The following DRC1 variants were observed in gnomAD, a reference collection of about 807,000 sequenced individuals.
DRC1 encodes dynein regulatory complex subunit 1.
Under a neutral mutation model 98.7 loss-of-function variants are expected in DRC1, and 74 were observed. That is an observed-to-expected ratio of 0.75 (90% CI 0.62 to 0.91). The LOEUF (loss-of-function observed/expected upper bound fraction) is 0.91. Among genes scored for constraint, DRC1 ranks in the 40% least tolerant of loss-of-function variants. DRC1 has a pLI of 0.00. For missense variants in DRC1, 875 were observed against 886.0 expected (o/e 0.99, Z 0.16); for synonymous variants, 336 against 334.1 (o/e 1.01, Z -0.06).
intron 7 of DRC1, 70 bp from the exon 8 acceptor site, chr2:26,440,308 A>ATCTC: frequency 7.2e-7 from 1 of 1,381,742 alleles, no homozygotes. Context: ...GCAGGTGTAG[A>ATCTC]GTTAGTGTGT....
At chr2:26,447,892 AT>A (rs1478552472) in intron 10 of DRC1, among the ~76,000 whole-genome samples, 2 of 150,958 alleles carry the variant, frequency 1.3e-5, no homozygotes. Context: ...AATTAAGAAA[AT>A]TTTTGGCTCT....
At chr2:26,431,351 G>A (rs930075385) in intron 6 of DRC1, among the ~76,000 whole-genome samples, 2 of 152,212 alleles carry the variant, frequency 1.3e-5, no homozygotes, top group African/African-American at 2.4e-5. Flanking sequence ...GATGGGGATT[G>A]TCTCTTGGGT....
intron 3 of DRC1, among the ~76,000 whole-genome samples, 165 bp from the exon 4 acceptor site, chr2:26,424,106 T>C (rs1352380404): frequency 6.6e-6 from 1 of 152,192 alleles, no homozygotes; most frequent in Non-Finnish European, 1.5e-5. Context: ...AGTCAAGCGT[T>C]AAACGAAAAG....
At chr2:26,407,368 A>T (rs1678460985) in intron 1 of DRC1, among the ~76,000 whole-genome samples, 1 of 151,826 alleles carries the variant, frequency 6.6e-6, no homozygotes, top group Non-Finnish European at 1.5e-5. Flanking sequence ...AAAGCTGAGA[A>T]CCCCCTTGAT....
intron 7 of DRC1, among the ~76,000 whole-genome samples, chr2:26,435,378 T>C (rs913499578): frequency 6.6e-6 from 1 of 152,234 alleles, no homozygotes; most frequent in Non-Finnish European, 1.5e-5. Context: ...CTTTGGATAA[T>C]TGAATAATAA....
At chr2:26,437,758 A>G (rs1053572073) in intron 7 of DRC1, among the ~76,000 whole-genome samples, 10 of 152,148 alleles carry the variant, frequency 6.6e-5, no homozygotes, top group African/African-American at 2.4e-4. Context: ...ATGGTAAATT[A>G]TTATGACATG....
chr2:26,447,953 C>T (rs565396605), intron 10 of DRC1, among the ~76,000 whole-genome samples: 157 of 151,182 alleles, frequency 1.0e-3, no homozygotes, highest in Non-Finnish European at 1.9e-3. Context: ...GACCAGGCGC[C>T]GTGGCTCATG....
chr2:26,433,497 T>C (rs1373652066), intron 7 of DRC1, among the ~76,000 whole-genome samples: 1 of 152,218 alleles, frequency 6.6e-6, no homozygotes, highest in Non-Finnish European at 1.5e-5. Flanking sequence ...AATAGCACTA[T>C]TTCTGTGGGC....
chr2:26,411,133 A>T (rs1259852456), intron 1 of DRC1, among the ~76,000 whole-genome samples: 1 of 152,214 alleles, frequency 6.6e-6, no homozygotes, highest in Non-Finnish European at 1.5e-5. Flanking sequence ...CTCAGCCCCC[A>T]GGAGGGAGGG....
chr2:26,416,182 A>G (rs566066221), intron 2 of DRC1, among the ~76,000 whole-genome samples: 1 of 152,292 alleles, frequency 6.6e-6, no homozygotes, highest in African/African-American at 2.4e-5. Context: ...CTCAAGATTA[A>G]GGCATTGATT....
At chr2:26,456,165 C>T (rs1232174016) in intron 16 of DRC1, among the ~76,000 whole-genome samples, 2 of 152,094 alleles carry the variant, frequency 1.3e-5, no homozygotes, top group African/African-American at 4.8e-5. Flanking sequence ...GTGGGGCAGG[C>T]TAGATTGGGG....
chr2:26,450,470 C>A, intron 12 of DRC1, 122 bp from the exon 13 acceptor site: 1 of 796,758 alleles, frequency 1.3e-6, no homozygotes, highest in Non-Finnish European at 2.1e-6. Flanking sequence ...CGCTTCCCAG[C>A]GTTGGATGAA....
chr2:26,428,840 C>T (rs896902682), intron 4 of DRC1, among the ~76,000 whole-genome samples: 2 of 152,104 alleles, frequency 1.3e-5, no homozygotes, highest in African/African-American at 2.4e-5. Context: ...GGACCACTGT[C>T]GTATATGTGG....
rs77197564 is a variant in DRC1 at position 26,453,758 on chromosome 2, C to T, written c.1919+209C>T. On this transcript the variant is annotated intron_variant, in intron 14 of 16. Coordinates refer to ENST00000288710, the MANE Select transcript of DRC1 (RefSeq NM_145038.5). ...ATAGTGGTGATCTGTGCTTTTTTCA[C>T]TCATCATTCATTCAGCAGACATGCA... Among the ~76,000 whole-genome samples, 2,666 of 152,306 alleles carry T rather than the reference C, an allele frequency of 0.018. 77 individuals carry two copies. The highest frequency in any genetic ancestry group is 0.059 in the African/African-American group (2,439 of 41,550).
At chr2:26,427,111 C>CACTTA (rs1553341382) in intron 4 of DRC1, among the ~76,000 whole-genome samples, 2 of 151,822 alleles carry the variant, frequency 1.3e-5, no homozygotes, top group African/African-American at 4.8e-5. Flanking sequence ...ATTTTTTAAA[C>CACTTA]ATTTAATTTA....
intron 5 of DRC1, 85 bp from the exon 6 acceptor site, chr2:26,430,701 T>C: frequency 1.4e-6 from 2 of 1,404,504 alleles, no homozygotes; most frequent in Non-Finnish European, 2.0e-6. Flanking sequence ...GATATGGCAC[T>C]TATAGTTACC....
chr2:26,403,916 A>C (rs946959524), intron 1 of DRC1, among the ~76,000 whole-genome samples: 13 of 151,988 alleles, frequency 8.6e-5, no homozygotes, highest in Admixed American at 3.3e-4. Flanking sequence ...CCTGACCGAC[A>C]TGGTGAAACC....
chr2:26,416,119 A>G (rs891117598), intron 2 of DRC1, among the ~76,000 whole-genome samples: 3 of 152,152 alleles, frequency 2.0e-5, no homozygotes, highest in African/African-American at 7.2e-5. Flanking sequence ...TTAGGAATTA[A>G]GTAGTGAAGA....
At chr2:26,428,724 G>A (rs1204896748) in intron 4 of DRC1, among the ~76,000 whole-genome samples, 1 of 152,026 alleles carries the variant, frequency 6.6e-6, no homozygotes, top group East Asian at 1.9e-4. Flanking sequence ...CGTGAACCCG[G>A]GAGGTGGAGC....
Sources: allele counts gnomAD v4.1 joint callset (sites outside exome capture counted in the v4.1 genomes callset), GRCh38; gene constraint gnomAD v4.1.1; transcripts MANE v1.5; gene names NCBI Gene and HGNC (gene_info 2026-07-23, HGNC 2026-07-21).